The following VCL variants were observed in gnomAD, a reference collection of about 807,000 sequenced individuals.
The protein encoded by VCL is vinculin.
In VCL, 47 loss-of-function variants were observed where a neutral mutation model predicts 125.7. The ratio of observed to expected loss-of-function variants is 0.37; its 90% CI spans 0.30 to 0.48. VCL has a LOEUF of 0.48. VCL is among the 20% of genes least tolerant of loss of function. The pLI, the probability that VCL is intolerant of heterozygous loss-of-function variation, is 0.99. For synonymous variants in VCL, 458 were observed against 514.6 expected (o/e 0.89, Z 1.49); for missense variants, 1,069 against 1,455.5 (o/e 0.73, Z 4.32).
At chr10:74,047,896 G>A (rs572870955) in intron 2 of VCL, among the ~76,000 whole-genome samples, 17 of 152,292 alleles carry the variant, frequency 1.1e-4, no homozygotes, top group African/African-American at 3.8e-4. Flanking sequence ...TACTGTAAAA[G>A]TGAGAGCCAT....
At chr10:74,039,571 A>G (rs1419802912) in intron 1 of VCL, among the ~76,000 whole-genome samples, 1 of 151,794 alleles carries the variant, frequency 6.6e-6, no homozygotes, top group Non-Finnish European at 1.5e-5. Context: ...TCGCTTGAGC[A>G]TGGGAGTTTG....
At chr10:74,104,341 T>C (rs1256990481) in intron 15 of VCL, among the ~76,000 whole-genome samples, 1 of 152,190 alleles carries the variant, frequency 6.6e-6, no homozygotes, top group East Asian at 1.9e-4. Context: ...TAATACAACT[T>C]GTCTCAAAGT....
intron 1 of VCL, among the ~76,000 whole-genome samples, chr10:74,005,497 C>A (rs1840305953): frequency 2.0e-5 from 3 of 152,132 alleles, no homozygotes; most frequent in Admixed American, 2.0e-4. Flanking sequence ...CTCATGTGAT[C>A]CACCCGCCTT....
At chr10:74,070,914 G>A in intron 3 of VCL, 61 bp from the exon 4 acceptor site, 2 of 1,611,150 alleles carry the variant, frequency 1.2e-6, no homozygotes, top group Non-Finnish European at 1.7e-6. Context: ...CTGCACATCT[G>A]TGTTACCGTG....
At chr10:74,092,170 G>A (rs1397411810) in intron 10 of VCL, among the ~76,000 whole-genome samples, 1 of 152,080 alleles carries the variant, frequency 6.6e-6, no homozygotes, top group Non-Finnish European at 1.5e-5. Context: ...AGCCTCCCAA[G>A]TCCTGGGATT....
chr10:74,114,067 C>A, intron 19 of VCL, 117 bp from the exon 20 acceptor site: 2 of 1,212,172 alleles, frequency 1.6e-6, no homozygotes, highest in Admixed American at 1.9e-5. Context: ...CCTCTTCTCA[C>A]CCTTCCGGAG....
chr10:74,119,996 C>T lies in VCL; in HGVS notation c.*1827C>T, dbSNP rs1840384774. 7.8e-6 allele frequency: 1 copy of T among 128,566 alleles called. No homozygotes were observed. Among genetic ancestry groups the T allele is most frequent in the Non-Finnish European group, 1.6e-5 (1 of 62,994 alleles). 8.0% of individuals were successfully genotyped at this position (128,566 alleles called of 1,614,324 possible). On this transcript the variant is annotated 3_prime_UTR_variant, in exon 22 of 22. Transcript: ENST00000211998. ...TTTTCTCCAATATCAGTGCTCGAGA[C>T]ACAGTGAAGCAAATTAAAAAAAAAA...
At chr10:74,108,858 TA>T (rs1840176958) in intron 17 of VCL, 112 bp from the exon 18 acceptor site, 1 of 1,178,858 alleles carries the variant, frequency 8.5e-7, no homozygotes. Context: ...TGGGTGGTCT[TA>T]TGTGGAGTCA....
rs917342079 is a variant in VCL at position 74,100,956 on chromosome 10, T to C, written c.1881T>C (p.Asp627=). 2 of 1,614,044 alleles carry C rather than the reference T, an allele frequency of 1.2e-6. No homozygotes were observed. The highest frequency in any genetic ancestry group is 8.5e-7 in the Non-Finnish European group (1 of 1,179,986). Residue 627 remains aspartate, a synonymous_variant, in exon 14 of 22, where the codon GAT becomes GAC. Transcript: ENST00000211998. ...PDAPNREEVF[D]ERAANFENHS... ...TCTGTTTTTTCCTCAAGGTATTTGA[T>C]GAGAGGGCAGCTAACTTTGAAAACC...
chr10:74,043,285 G>T, intron 2 of VCL, 132 bp downstream of exon 2: 7 of 788,916 alleles, frequency 8.9e-6, no homozygotes, highest in South Asian at 3.3e-5. Flanking sequence ...CAACTTTTTT[G>T]TCTTCTAACT....
chr10:74,080,311 GA>G (rs959383812), intron 6 of VCL, among the ~76,000 whole-genome samples: 4 of 150,770 alleles, frequency 2.7e-5, no homozygotes, highest in African/African-American at 7.3e-5. Context: ...CTTGGTAAAA[GA>G]AAAAAAAATC....
chr10:74,107,327 G>A lies in VCL; in HGVS notation c.2532G>A (p.Pro844=), dbSNP rs1428239005. The change falls in exon 17 of 22, where the codon CCG becomes CCA. Residue 844 remains proline, a synonymous_variant. Coordinates refer to ENST00000211998, the MANE Select transcript of VCL (RefSeq NM_014000.3). The part of the protein sequence containing the change: ...AFQPQEPDFP[P]PPPDLEQLRL... ...AACCTCAGGAGCCTGACTTCCCGCC[G>A]CCTCCACCAGACCTTGAACAACTCC... The A allele has an allele frequency of 6.8e-6, 11 of 1,614,040 alleles. No individual in the cohort carries two copies. The highest frequency in any genetic ancestry group is 1.6e-4 in the Middle Eastern group (1 of 6,084).
intron 6 of VCL, chr10:74,077,834 C>A: frequency 2.5e-6 from 1 of 405,370 alleles, no homozygotes; most frequent in Non-Finnish European, 5.0e-6. Context: ...GATTATTTTA[C>A]CTTTTATACC....
intron 1 of VCL, chr10:74,027,522 G>C (rs1323952072): frequency 6.6e-6 from 1 of 151,852 alleles, no homozygotes; most frequent in African/African-American, 2.4e-5. Context: ...TTAGCCAGGT[G>C]TGGTGGCGGG....
At chr10:74,003,858 T>A (rs1252228865) in intron 1 of VCL, among the ~76,000 whole-genome samples, 2 of 152,178 alleles carry the variant, frequency 1.3e-5, no homozygotes, top group African/African-American at 2.4e-5. Flanking sequence ...TAGCTGGGAC[T>A]ACAGGGGTGC....
chr10:74,110,813 GT>G (rs1343580513), intron 18 of VCL, among the ~76,000 whole-genome samples: 1 of 152,140 alleles, frequency 6.6e-6, no homozygotes, highest in African/African-American at 2.4e-5. Flanking sequence ...TGTATAAATG[GT>G]TTGGCTTCAT....
At chr10:74,055,400 A>G (rs1841374286) in intron 2 of VCL, among the ~76,000 whole-genome samples, 1 of 152,094 alleles carries the variant, frequency 6.6e-6, no homozygotes, top group African/African-American at 2.4e-5. Context: ...GCTGGAATGT[A>G]GTTGTGTGAT....
At chr10:74,023,679 G>A (rs1840716486) in intron 1 of VCL, among the ~76,000 whole-genome samples, 1 of 152,184 alleles carries the variant, frequency 6.6e-6, no homozygotes, top group South Asian at 2.1e-4. Flanking sequence ...ATATTGGTAA[G>A]CAAGTGAAAC....
At chr10:74,106,507 C>T (rs1475430570) in intron 16 of VCL, among the ~76,000 whole-genome samples, 1 of 152,142 alleles carries the variant, frequency 6.6e-6, no homozygotes. Flanking sequence ...CATGGCAGAT[C>T]ATAATTGGAG....
Sources: gnomAD v4.1 joint callset for allele counts (sites outside exome capture counted in the v4.1 genomes callset) on GRCh38, gnomAD v4.1.1 for gene constraint, MANE v1.5 for transcripts, NCBI Gene and HGNC (gene_info 2026-07-23, HGNC 2026-07-21) for gene names.